CDKL4: variants seen among roughly 807,000 people sequenced by gnomAD.
CDKL4 encodes cyclin-dependent kinase-like 4.
In CDKL4, 44 loss-of-function variants were observed where a neutral mutation model predicts 42.0. The observed-to-expected ratio is 1.05, with a 90% CI of 0.82 to 1.35. The LOEUF is 1.35. CDKL4 is among the 40% of genes most tolerant of loss of function. The pLI is 0.00. For missense variants in CDKL4, 393 were observed against 369.9 expected (o/e 1.06, Z -0.51); for synonymous variants, 120 against 121.6 (o/e 0.99, Z 0.09).
At chr2:39,181,809 A>T (rs899734166) in intron 8 of CDKL4, among the ~76,000 whole-genome samples, 48 of 152,250 alleles carry the variant, frequency 3.2e-4, no homozygotes, top group African/African-American at 1.1e-3. Context: ...TGGAAGAGGC[A>T]AGGAAAGAAC....
chr2:39,180,895 G>A (rs113906165), intron 8 of CDKL4, among the ~76,000 whole-genome samples: 4,991 of 152,156 alleles, frequency 0.033, 121 homozygotes, highest in South Asian at 0.062. Context: ...CACCATGTTG[G>A]CCAGGCGGGT....
chr2:39,193,287 A>AATT (rs1019670136), intron 5 of CDKL4, among the ~76,000 whole-genome samples: 1 of 150,676 alleles, frequency 6.6e-6, no homozygotes, highest in African/African-American at 2.4e-5. Flanking sequence ...AAAAAAAAAG[A>AATT]ATTATTCCTT....
chr2:39,205,608 AAATT>A (rs1377515535), intron 4 of CDKL4, among the ~76,000 whole-genome samples: 3 of 151,764 alleles, frequency 2.0e-5, no homozygotes, highest in African/African-American at 7.3e-5. Flanking sequence ...AAAATAGAAA[AAATT>A]AACCAGGCGT....
intron 8 of CDKL4, among the ~76,000 whole-genome samples, chr2:39,182,958 A>G (rs747227892): frequency 6.6e-6 from 1 of 152,164 alleles, no homozygotes; most frequent in Non-Finnish European, 1.5e-5. Flanking sequence ...GATAAACACC[A>G]GTTATGGTAG....
At chr2:39,225,913 T>C in exon 3 of CDKL4, 1 of 1,611,994 alleles carries the variant, frequency 6.2e-7, no homozygotes, top group Non-Finnish European at 8.5e-7. Context: ...TTTTCCTTTT[T>C]CTCCTGAACA....
In CDKL4 at chr2:39,179,177, G is replaced by C; in HGVS notation, c.927+10C>G. On this transcript the variant is annotated intron_variant, in intron 9 of 9. Transcript: ENST00000451199. ...ATTTTTATAGCACTTTAACTTTTGA[G>C]CGGAAGTACCTGTTGGCGTCTTCTG... 6.3e-7 allele frequency: 1 copy of C among 1,588,390 alleles called. No homozygotes were observed. The highest frequency in any genetic ancestry group is 8.5e-7 in the Non-Finnish European group (1 of 1,174,014).
intron 2 of CDKL4, among the ~76,000 whole-genome samples, chr2:39,228,738 T>C (rs941394180): frequency 2.6e-5 from 4 of 152,362 alleles, no homozygotes; most frequent in Admixed American, 6.5e-5. Context: ...GCGGAAAATA[T>C]GGTTGTTAGA....
chr2:39,180,686 CT>C (rs1167370938), intron 8 of CDKL4, among the ~76,000 whole-genome samples: 6,306 of 121,058 alleles, frequency 0.052, 237 homozygotes, highest in African/African-American at 0.19. Flanking sequence ...GAGAGAAAGA[CT>C]TTTTTTTTTT....
At chr2:39,245,179 T>C (rs1171822869), upstream of CDKL4, among the ~76,000 whole-genome samples, 2 of 152,196 alleles carry the variant, frequency 1.3e-5, no homozygotes, top group Non-Finnish European at 2.9e-5. Flanking sequence ...ATCTTGCTAC[T>C]GCTCACTCTG....
chr2:39,221,839 TC>T (rs1296879629), intron 3 of CDKL4, among the ~76,000 whole-genome samples: 1 of 152,224 alleles, frequency 6.6e-6, no homozygotes. Context: ...AATGCTGCCT[TC>T]TCTGCAGAAT....
intron 3 of CDKL4, among the ~76,000 whole-genome samples, chr2:39,216,106 A>G (rs1159568321): frequency 2.0e-5 from 3 of 152,162 alleles, no homozygotes; most frequent in African/African-American, 7.2e-5. Flanking sequence ...ATAATCTTGA[A>G]CACGTTATTT....
rs545728692 is a variant in CDKL4 at position 39,185,210 on chromosome 2, A to G, written c.736-563T>C. Among the ~76,000 whole-genome samples the G allele has an allele frequency of 6.8e-3, 117 of 17,158 alleles. 30 individuals are homozygous for G. The highest frequency in any genetic ancestry group is 0.011 in the African/African-American group (81 of 7,586). The allele number at this position is 17,158 out of a possible 152,430, so 11.3% of individuals were successfully genotyped here. On this transcript the variant is annotated intron_variant, in intron 7 of 9. Coordinates refer to ENST00000451199, the Ensembl canonical transcript of CDKL4. ...TATATACATATATATACACATACGTATATATACATATATACACATACGTAT... is the reference window on the plus strand; with the variant it reads ...TATATACATATATATACACATACGTGTATATACATATATACACATACGTAT...
At chr2:39,243,563 T>A (rs1049464487) in intron 1 of CDKL4, among the ~76,000 whole-genome samples, 11 of 152,266 alleles carry the variant, frequency 7.2e-5, no homozygotes, top group African/African-American at 2.7e-4. Context: ...GCCTTCTTCA[T>A]TTAATGACAG....
chr2:39,208,516 A>AT (rs538866189), intron 4 of CDKL4, among the ~76,000 whole-genome samples: 1 of 151,678 alleles, frequency 6.6e-6, no homozygotes, highest in East Asian at 2.0e-4. Flanking sequence ...AATTTTTTGT[A>AT]TTTTTTAGTA....
In CDKL4 at chr2:39,178,794, T is replaced by C. The variant is rs557736585; in HGVS notation, c.927+393A>G. ...AAAAGATGGAAGAGTCAAGTTACCG[T>C]TATTGCACATCTGGAGGCTACAGAA... On this transcript the variant is annotated intron_variant, in intron 9 of 9. Transcript: ENST00000451199. The C allele has an allele frequency of 3.2e-6, 5 of 1,569,108 alleles. No homozygotes were observed. The African/African-American group carries it at 6.7e-5, about 21-fold the overall frequency.
intron 2 of CDKL4, 84 bp downstream of exon 2, chr2:39,229,281 A>C (rs1298284695): frequency 3.9e-6 from 4 of 1,028,498 alleles, no homozygotes; most frequent in African/African-American, 1.6e-5. Flanking sequence ...ATGGGGGGAA[A>C]ATAACTTTAA....
intron 1 of CDKL4, among the ~76,000 whole-genome samples, chr2:39,239,186 C>A (rs1393755253): frequency 6.6e-6 from 1 of 151,682 alleles, no homozygotes; most frequent in Non-Finnish European, 1.5e-5. Flanking sequence ...ACACCTCACA[C>A]AATATAGCAA....
chr2:39,227,257 AT>A (rs985073159), intron 2 of CDKL4, among the ~76,000 whole-genome samples: 2 of 152,168 alleles, frequency 1.3e-5, no homozygotes, highest in African/African-American at 4.8e-5. Flanking sequence ...ACTCTCTTCC[AT>A]TTACCCAGAA....
At chr2:39,220,976 C>CTTTTTTTTTTTTTTTTTTTGTTTTTTTT (rs1678289919) in intron 3 of CDKL4, among the ~76,000 whole-genome samples, 1 of 49,146 alleles carries the variant, frequency 2.0e-5, no homozygotes, top group African/African-American at 7.3e-5. Context: ...CATCGACGAT[C>CTTTTTTTTTTTTTTTTTTTGTTTTTTTT]TTTTTTTTTT....
Sources: allele counts gnomAD v4.1 joint callset (sites outside exome capture counted in the v4.1 genomes callset), GRCh38; gene constraint gnomAD v4.1.1; transcripts MANE v1.5; gene names NCBI Gene and HGNC (gene_info 2026-07-23, HGNC 2026-07-21).